Variants in IL1RAPL2 observed in about 807,000 individuals in gnomAD.
The protein encoded by IL1RAPL2 is interleukin 1 receptor accessory protein like 2.
A neutral mutation model predicts 44.1 loss-of-function variants in IL1RAPL2; 3 were observed. That is an observed-to-expected ratio of 0.07 (90% CI 0.03 to 0.18). IL1RAPL2 has a LOEUF of 0.18. IL1RAPL2 is among the 10% of genes least tolerant of loss of function. IL1RAPL2 has a pLI of 1.00. For missense variants in IL1RAPL2, 391 were observed against 496.4 expected, an observed-to-expected ratio of 0.79 and a Z score of 2.02; for synonymous variants, 181 against 178.8, an observed-to-expected ratio of 1.01 and a Z score of -0.10.
chrX:105,083,933 C>T, intron 2 of IL1RAPL2, among the ~76,000 whole-genome samples: 1 of 112,086 alleles, frequency 8.9e-6, no homozygotes, highest in East Asian at 2.8e-4. Context: ...CAGCTAGCAT[C>T]ATAAAGACAG....
intron 6 of IL1RAPL2, among the ~76,000 whole-genome samples, chrX:105,714,391 T>C (rs1034239665): frequency 8.9e-6 from 1 of 111,847 alleles, no homozygotes; most frequent in Non-Finnish European, 1.9e-5. Context: ...CACTCCCACA[T>C]CTTCAGGTAT....
In IL1RAPL2 at chrX:105,612,401, T is replaced by C. The variant is rs140001888; in HGVS notation, c.773-104966T>C. On this transcript the variant is annotated intron_variant, in intron 6 of 10. Coordinates refer to ENST00000372582, the MANE Select transcript of IL1RAPL2 (RefSeq NM_017416.2). ...GATTACAGGTGCAAGCCACTGTGCCTGGCCTAACCAAACTGTTTTAAAACA... is the reference window on the plus strand; with the variant it reads ...GATTACAGGTGCAAGCCACTGTGCCCGGCCTAACCAAACTGTTTTAAAACA... Among the ~76,000 whole-genome samples, 73 of 112,022 alleles carry C rather than the reference T, an allele frequency of 6.5e-4. 2 individuals are homozygous for C. In the East Asian group the frequency reaches 0.02, roughly 30 times the overall value.
intron 2 of IL1RAPL2, among the ~76,000 whole-genome samples, chrX:104,671,485 C>T (rs1000082023): frequency 1.8e-5 from 2 of 111,442 alleles, no homozygotes; most frequent in African/African-American, 6.5e-5. Context: ...GTTGGATTGC[C>T]CCCATCGACC....
chrX:104,727,884 C>G (rs917692610), intron 2 of IL1RAPL2, among the ~76,000 whole-genome samples: 1 of 109,542 alleles, frequency 9.1e-6, no homozygotes, highest in Non-Finnish European at 1.9e-5. Context: ...CATGTTCTCA[C>G]TTATAAGTGT....
chrX:104,658,013 T>C (rs1829562861), intron 1 of IL1RAPL2, among the ~76,000 whole-genome samples: 1 of 112,038 alleles, frequency 8.9e-6, no homozygotes, highest in Non-Finnish European at 1.9e-5. Context: ...TTTTACACCA[T>C]TGGTGGGAGT....
intron 2 of IL1RAPL2, among the ~76,000 whole-genome samples, chrX:104,874,409 T>C (rs187018997): frequency 2.8e-5 from 3 of 108,444 alleles, no homozygotes; most frequent in Admixed American, 1.0e-4. Context: ...TGATATTCAC[T>C]AACCTTGCTA....
At chrX:105,283,101 C>G (rs1033171905) in intron 5 of IL1RAPL2, among the ~76,000 whole-genome samples, 11 of 111,234 alleles carry the variant, frequency 9.9e-5, no homozygotes, top group African/African-American at 2.9e-4. Context: ...GTTATTCACC[C>G]TCACTCCACA....
At chrX:105,647,160 T>G (rs759117290) in intron 6 of IL1RAPL2, among the ~76,000 whole-genome samples, 1 of 111,682 alleles carries the variant, frequency 9.0e-6, no homozygotes, top group South Asian at 3.8e-4. Context: ...TGGCAATGAG[T>G]GCCTCGCTGG....
At chrX:105,224,796 T>A (rs1556186768) in intron 3 of IL1RAPL2, among the ~76,000 whole-genome samples, 1 of 111,543 alleles carries the variant, frequency 9.0e-6, no homozygotes, top group Non-Finnish European at 1.9e-5. Flanking sequence ...GAAATAGTTA[T>A]TAGAGTCAGT....
chrX:104,784,821 C>T (rs913206275), intron 2 of IL1RAPL2, among the ~76,000 whole-genome samples: 2 of 108,794 alleles, frequency 1.8e-5, no homozygotes, highest in South Asian at 8.2e-4. Context: ...AACCTCTTAT[C>T]CCTGAAGACC....
intron 1 of IL1RAPL2, among the ~76,000 whole-genome samples, chrX:104,615,994 T>C (rs1208815876): frequency 1.8e-5 from 2 of 112,548 alleles, no homozygotes; most frequent in East Asian, 5.6e-4. Flanking sequence ...TTGAGCTTTT[T>C]TTCATATGTT....
chrX:104,603,154 C>T (rs917784761), intron 1 of IL1RAPL2, among the ~76,000 whole-genome samples: 2 of 111,526 alleles, frequency 1.8e-5, no homozygotes, highest in Admixed American at 1.9e-4. Flanking sequence ...CTTTGCTGTT[C>T]TGCAGCCTCC....
chrX:104,781,196 C>G (rs1270900385), intron 2 of IL1RAPL2, among the ~76,000 whole-genome samples: 3 of 110,713 alleles, frequency 2.7e-5, no homozygotes, highest in African/African-American at 9.8e-5. Context: ...TAATGTGAGA[C>G]AGACATTGTA....
chrX:105,428,683 C>T (rs2147749606), intron 5 of IL1RAPL2, among the ~76,000 whole-genome samples: 1 of 112,026 alleles, frequency 8.9e-6, no homozygotes, highest in South Asian at 3.7e-4. Flanking sequence ...CAATACTAAA[C>T]CTGTGGTACA....
At chrX:104,743,284 A>G (rs1932124189) in intron 2 of IL1RAPL2, among the ~76,000 whole-genome samples, 1 of 105,528 alleles carries the variant, frequency 9.5e-6, no homozygotes, top group Non-Finnish European at 1.9e-5. Context: ...TTTGCTTCAG[A>G]CCTTTTTTCT....
At position 105,419,190 on chromosome X, in the gene IL1RAPL2, CTA is replaced by C. The variant is rs774693853; in HGVS notation, c.698-65121_698-65120del. ...GCCAGCAGCCACATCTTGAAAACAT[CTA>C]TGTTATAAAGAAAAATTTCATCATA... On this transcript the variant is annotated intron_variant, in intron 5 of 10. Transcript: ENST00000372582. Among the ~76,000 whole-genome samples the C allele has an allele frequency of 1.1e-4, 12 of 111,803 alleles. No individual in the cohort carries two copies. The East Asian group carries it at 2.2e-3, about 21-fold the overall frequency.
intron 2 of IL1RAPL2, among the ~76,000 whole-genome samples, chrX:105,037,409 C>A (rs1602910563): frequency 9.0e-6 from 1 of 110,803 alleles, no homozygotes; most frequent in East Asian, 2.8e-4. Context: ...TACAGGGGGA[C>A]AACAATGCCA....
rs1487919922 is a variant in IL1RAPL2, at chrX:105,540,927, A to G, written c.772+56540A>G. Among the ~76,000 whole-genome samples the G allele has an allele frequency of 3.9e-5, 4 of 101,409 alleles. 1 individual carries two copies. The highest frequency in any genetic ancestry group is 1.5e-4 in the African/African-American group (4 of 27,197). 88.1% of individuals were successfully genotyped at this position (101,409 alleles called of 115,157 possible). On this transcript the variant is annotated intron_variant, in intron 6 of 10. Coordinates refer to ENST00000372582, the MANE Select transcript of IL1RAPL2 (RefSeq NM_017416.2). ...CATACATATATTATATATGATATATAATATATACATATATTATATATGATA... is the reference window on the plus strand; with the variant it reads ...CATACATATATTATATATGATATATGATATATACATATATTATATATGATA...
chrX:105,740,486 G>T (rs1186022272), intron 7 of IL1RAPL2, 60 bp from the exon 8 acceptor site: 1 of 1,129,120 alleles, frequency 8.9e-7, no homozygotes, highest in Non-Finnish European at 1.2e-6. Context: ...TGTAGTCTTG[G>T]CATGGCTGCT....
Sources: gnomAD v4.1 joint callset for allele counts (sites outside exome capture counted in the v4.1 genomes callset) on GRCh38, gnomAD v4.1.1 for gene constraint, MANE v1.5 for transcripts, NCBI Gene and HGNC (gene_info 2026-07-23, HGNC 2026-07-21) for gene names.